The following RBPMS variants were observed in gnomAD, a reference collection of about 807,000 sequenced individuals.
RBPMS encodes the protein RNA binding protein, mRNA processing factor.
A neutral mutation model predicts 26.8 loss-of-function variants in RBPMS; 7 were observed. The ratio of observed to expected loss-of-function variants is 0.26; its 90% confidence interval spans 0.15 to 0.49. The LOEUF is 0.49. Ranked by LOEUF, RBPMS falls within the 20% of genes least tolerant of loss-of-function variation. RBPMS has a pLI of 0.98. For missense variants in RBPMS, 186 were observed against 250.0 expected (o/e 0.74, Z 1.73); for synonymous variants, 96 against 93.3 (o/e 1.03, Z -0.17).
rs1825776743 is a variant in RBPMS at position 30,545,252 on chromosome 8, CTTAG to C, written c.528+632_528+635del. ...ATCTCTATTCTGACCAGCTTTCTTT[CTTAG>C]TTAAAAATAGCCTGATTTTTATAAA... On this transcript the variant is annotated intron_variant, in intron 6 of 8. Coordinates refer to ENST00000397323, the MANE Select transcript of RBPMS (RefSeq NM_001008710.3). 3 of 1,229,530 alleles carry C rather than the reference CTTAG, an allele frequency of 2.4e-6. No individual in the cohort carries two copies. The Admixed American group carries it at 1.0e-4, about 42-fold the overall frequency. The allele number at this position is 1,229,530 out of a possible 1,614,324, so 76.2% of individuals were successfully genotyped here. A position where few individuals can be genotyped will look rare whatever the true frequency, so the allele number is the denominator to read the frequency against.
chr8:30,556,786 G>A (rs1462183394), intron 6 of RBPMS: 2 of 985,830 alleles, frequency 2.0e-6, no homozygotes, highest in South Asian at 4.7e-5. Flanking sequence ...ACCAGGCCAT[G>A]AGCCGTGGGT....
At chr8:30,555,801 A>T in intron 6 of RBPMS, 1 of 816,184 alleles carries the variant, frequency 1.2e-6, no homozygotes, top group African/African-American at 1.9e-5. Flanking sequence ...GATGGGCAGG[A>T]GTGACCTGGG....
chr8:30,546,183 T>C (rs1385684669), intron 6 of RBPMS, among the ~76,000 whole-genome samples: 1 of 152,202 alleles, frequency 6.6e-6, no homozygotes, highest in African/African-American at 2.4e-5. Flanking sequence ...CTCTGGATGG[T>C]GTCTCCTCTT....
At chr8:30,555,553 G>A (rs1166326751) in intron 6 of RBPMS, among the ~76,000 whole-genome samples, 2 of 152,208 alleles carry the variant, frequency 1.3e-5, no homozygotes, top group Admixed American at 1.3e-4. Flanking sequence ...ATTTGAGAGA[G>A]AGAACTATGG....
chr8:30,482,642 G>A (rs1483269959), intron 4 of RBPMS, among the ~76,000 whole-genome samples: 7 of 152,116 alleles, frequency 4.6e-5, no homozygotes, highest in African/African-American at 4.8e-5. Flanking sequence ...AATACAGTAC[G>A]TTTTGTTTCT....
chr8:30,471,512 G>A (rs1166590138), intron 1 of RBPMS, among the ~76,000 whole-genome samples: 1 of 152,032 alleles, frequency 6.6e-6, no homozygotes, highest in African/African-American at 2.4e-5. Context: ...CACTTAGAAC[G>A]TAAGTTCTGC....
intron 5 of RBPMS, among the ~76,000 whole-genome samples, chr8:30,511,484 A>ATATATAT (rs1821645539): frequency 6.5e-4 from 4 of 6,132 alleles, no homozygotes; most frequent in African/African-American, 1.4e-3. Flanking sequence ...AAAAAAAAAA[A>ATATATAT]AAATATATAT....
chr8:30,534,136 A>G (rs966518799), intron 5 of RBPMS, among the ~76,000 whole-genome samples: 2 of 152,036 alleles, frequency 1.3e-5, no homozygotes, highest in Non-Finnish European at 2.9e-5. Context: ...CTCAAAAAAA[A>G]AAAAAATTGT....
intron 6 of RBPMS, chr8:30,549,371 G>C: frequency 1.3e-6 from 1 of 761,954 alleles, no homozygotes; most frequent in East Asian, 2.5e-5. Flanking sequence ...GTGGCTATCC[G>C]GAAAACGACA....
intron 1 of RBPMS, among the ~76,000 whole-genome samples, chr8:30,435,750 A>G (rs1812384233): frequency 6.6e-6 from 1 of 152,230 alleles, no homozygotes; most frequent in Non-Finnish European, 1.5e-5. Flanking sequence ...ATACTCTTGA[A>G]GAGTCTTCAA....
At chr8:30,544,734 C>A (rs1279038492) in intron 6 of RBPMS, 110 bp downstream of exon 6, 1 of 1,601,210 alleles carries the variant, frequency 6.2e-7, no homozygotes, top group African/African-American at 1.3e-5. Flanking sequence ...AACAGATCCA[C>A]CCTCAAGAGA....
intron 6 of RBPMS, among the ~76,000 whole-genome samples, chr8:30,554,274 A>G (rs774718379): frequency 1.3e-5 from 2 of 152,232 alleles, no homozygotes; most frequent in Non-Finnish European, 2.9e-5. Flanking sequence ...CAAATGGCAC[A>G]GCCCAGCCTC....
intron 4 of RBPMS, among the ~76,000 whole-genome samples, chr8:30,499,373 G>A (rs1414943508): frequency 9.9e-5 from 15 of 152,146 alleles, no homozygotes; most frequent in Admixed American, 9.8e-4. Flanking sequence ...AAAACTAGTA[G>A]ATTTTTTTGA....
chr8:30,545,540 A>G, intron 6 of RBPMS: 1 of 688,048 alleles, frequency 1.5e-6, no homozygotes, highest in Non-Finnish European at 1.8e-6. Flanking sequence ...AAAAATTATT[A>G]GGCTGGACAG....
At chr8:30,556,469 A>C (rs1259610066) in intron 6 of RBPMS, 12 of 985,736 alleles carry the variant, frequency 1.2e-5, no homozygotes, top group African/African-American at 1.7e-5. Flanking sequence ...AAGCAGAACC[A>C]TGCCATCCAC....
chr8:30,464,584 A>G (rs747394677), intron 1 of RBPMS, among the ~76,000 whole-genome samples: 1 of 152,220 alleles, frequency 6.6e-6, no homozygotes, highest in Non-Finnish European at 1.5e-5. Context: ...GTCCTGGGCA[A>G]TGTTGAAACT....
chr8:30,384,951 C>CCCGGCT lies in RBPMS; in HGVS notation c.-139_-134dup, dbSNP rs1806830887. The CCCGGCT allele has an allele frequency of 1.2e-5, 6 of 493,030 alleles. No individual in the cohort carries two copies. In the South Asian group the frequency reaches 1.7e-4, roughly 14 times the overall value. The allele number at this position is 493,030 out of a possible 1,614,324, so 30.5% of individuals were successfully genotyped here. ...CCAACCCGAGCCCGACAGCCACTGCCCCGGCTCCAGCTCCAGCCCCACAGC... is the reference window on the plus strand; with the variant it reads ...CCAACCCGAGCCCGACAGCCACTGCCCCGGCTCCGGCTCCAGCTCCAGCCCCACAGC... On this transcript the variant is annotated 5_prime_UTR_variant, in exon 1 of 9. Transcript: ENST00000397323. The surrounding 1 kb of genome is among the most constrained non-coding windows in gnomAD (Gnocchi z 5.6).
chr8:30,563,409 T>A (rs892525931), intron 7 of RBPMS, among the ~76,000 whole-genome samples: 3 of 152,214 alleles, frequency 2.0e-5, no homozygotes, highest in Non-Finnish European at 4.4e-5. Context: ...ACTCCTTACA[T>A]GCAGTGAGAG....
chr8:30,518,658 C>G, intron 5 of RBPMS, among the ~76,000 whole-genome samples: 1 of 141,282 alleles, frequency 7.1e-6, no homozygotes, highest in African/African-American at 2.6e-5. Context: ...GAACTCCTGA[C>G]CTCCAGTGAT....
Sources: allele counts gnomAD v4.1 joint callset (sites outside exome capture counted in the v4.1 genomes callset), GRCh38; gene constraint gnomAD v4.1.1; non-coding constraint Gnocchi (gnomAD v3.1); transcripts MANE v1.5; gene names NCBI Gene and HGNC (gene_info 2026-07-23, HGNC 2026-07-21).